Variants in FRMPD4 observed in about 807,000 individuals in gnomAD.
FRMPD4 encodes FERM and PDZ domain containing 4.
In FRMPD4, 22 loss-of-function variants were observed where a neutral mutation model predicts 94.1. The ratio of observed to expected loss-of-function variants is 0.23; its 90% CI spans 0.17 to 0.33. FRMPD4 has a LOEUF of 0.33. Among genes scored for constraint, FRMPD4 ranks in the 10% least tolerant of loss-of-function variants. The pLI is 1.00. For synonymous variants in FRMPD4, 631 were observed against 548.6 expected (o/e 1.15, Z -2.10); for missense variants, 1,111 against 1,339.9 (o/e 0.83, Z 2.67).
chrX:11,954,303 A>G (rs1045583624), intron 3 of FRMPD4, among the ~76,000 whole-genome samples: 2 of 112,472 alleles, frequency 1.8e-5, no homozygotes, highest in African/African-American at 6.5e-5. Flanking sequence ...TGGATGAACT[A>G]TTTAAAGCTG....
chrX:12,661,673 A>G (rs1462153860), intron 4 of FRMPD4, among the ~76,000 whole-genome samples: 1 of 112,187 alleles, frequency 8.9e-6, no homozygotes, highest in Non-Finnish European at 1.9e-5. Flanking sequence ...TCCATGACAG[A>G]TTACACTTAA....
chrX:12,073,073 T>G (rs996710901), intron 3 of FRMPD4, among the ~76,000 whole-genome samples: 2 of 111,749 alleles, frequency 1.8e-5, no homozygotes, highest in African/African-American at 6.5e-5. Context: ...TCTAAGTTGA[T>G]ACATGTAGGT....
At chrX:12,337,181 G>A (rs2055540835) in intron 1 of FRMPD4, among the ~76,000 whole-genome samples, 1 of 111,953 alleles carries the variant, frequency 8.9e-6, no homozygotes, top group African/African-American at 3.2e-5. Flanking sequence ...TACACTCCTG[G>A]CCTCATGATT....
chrX:12,555,175 G>C (rs1220217341), intron 2 of FRMPD4, among the ~76,000 whole-genome samples: 1 of 110,906 alleles, frequency 9.0e-6, no homozygotes, highest in Non-Finnish European at 1.9e-5. Flanking sequence ...CAAAAAAAAA[G>C]AGTTCTAAAA....
chrX:11,884,787 A>G (rs980646553), intron 3 of FRMPD4, among the ~76,000 whole-genome samples: 3 of 111,890 alleles, frequency 2.7e-5, no homozygotes, highest in African/African-American at 9.7e-5. Context: ...AATTTTTAAA[A>G]TACTGGCGTG....
intron 1 of FRMPD4, among the ~76,000 whole-genome samples, chrX:12,391,017 CT>C (rs1222209795): frequency 1.8e-5 from 2 of 112,054 alleles, no homozygotes; most frequent in Non-Finnish European, 3.8e-5. Flanking sequence ...CATAGAAGGC[CT>C]TTAAAAGATG....
intron 1 of FRMPD4, among the ~76,000 whole-genome samples, chrX:12,229,890 T>C (rs1003356907): frequency 1.2e-4 from 13 of 112,348 alleles, no homozygotes; most frequent in Admixed American, 7.5e-4. Context: ...GCACGTCTCC[T>C]GAAGGTTACC....
In FRMPD4 at chrX:12,691,251, T is replaced by G. The variant is rs181518189; in HGVS notation, c.813+925T>G. 2.7e-5 allele frequency among the ~76,000 whole-genome samples: 3 copies of G among 111,096 alleles called. No individual in the cohort carries two copies. The East Asian group carries it at 8.5e-4, about 32-fold the overall frequency. ...GGCTTATTATTTCCATCAAGTTTTT[T>G]GGGGTTTTTTTTGTTGTTGTTGTTT... On this transcript the variant is annotated intron_variant, in intron 8 of 16. Transcript: ENST00000675598.
chrX:12,496,530 C>G (rs942721166), intron 1 of FRMPD4, among the ~76,000 whole-genome samples: 1 of 112,392 alleles, frequency 8.9e-6, no homozygotes, highest in Non-Finnish European at 1.9e-5. Flanking sequence ...TGGCCGTTGT[C>G]AGGGCTGGAC....
At chrX:12,481,321 T>A (rs1251444734) in intron 1 of FRMPD4, among the ~76,000 whole-genome samples, 1 of 111,464 alleles carries the variant, frequency 9.0e-6, no homozygotes, top group African/African-American at 3.3e-5. Context: ...TAGTAAAGAG[T>A]TTCCACATTT....
At chrX:12,099,220 T>TA (rs891381138) in intron 3 of FRMPD4, among the ~76,000 whole-genome samples, 7 of 110,541 alleles carry the variant, frequency 6.3e-5, no homozygotes, top group Non-Finnish European at 9.5e-5. Flanking sequence ...TAAAGTATAA[T>TA]AAAAAAATAT....
chrX:12,042,649 T>C (rs926508594), intron 3 of FRMPD4, among the ~76,000 whole-genome samples: 1 of 111,326 alleles, frequency 9.0e-6, no homozygotes, highest in Non-Finnish European at 1.9e-5. Context: ...GCTTTTACTC[T>C]CCACTGGGCC....
chrX:12,361,361 A>C (rs2055986399), intron 1 of FRMPD4, among the ~76,000 whole-genome samples: 1 of 112,469 alleles, frequency 8.9e-6, no homozygotes. Flanking sequence ...TAAAATTGTC[A>C]AGGGGAATAA....
chrX:12,330,292 T>G (rs769454284), intron 1 of FRMPD4, among the ~76,000 whole-genome samples: 1 of 111,231 alleles, frequency 9.0e-6, no homozygotes, highest in East Asian at 2.8e-4. Flanking sequence ...AATGTCATGA[T>G]CATCTTTAAT....
At chrX:12,083,549 T>G (rs2055079479) in intron 3 of FRMPD4, among the ~76,000 whole-genome samples, 1 of 112,309 alleles carries the variant, frequency 8.9e-6, no homozygotes, top group African/African-American at 3.2e-5. Flanking sequence ...AGTGGAGCTA[T>G]GAGAAGAAGG....
chrX:12,394,897 G>A (rs73434850), intron 1 of FRMPD4, among the ~76,000 whole-genome samples: 1,826 of 111,317 alleles, frequency 0.016, 32 homozygotes, highest in African/African-American at 0.053. Flanking sequence ...TGTTGCTCAC[G>A]GGACTTGCAT....
At chrX:12,285,662 AG>A (rs1166167735) in intron 1 of FRMPD4, among the ~76,000 whole-genome samples, 1 of 111,907 alleles carries the variant, frequency 8.9e-6, no homozygotes, top group Non-Finnish European at 1.9e-5. Context: ...CTTTTAAGCA[AG>A]GAATCCTCTA....
intron 1 of FRMPD4, among the ~76,000 whole-genome samples, chrX:11,852,507 C>A (rs955844383): frequency 3.7e-4 from 40 of 107,750 alleles, no homozygotes; most frequent in African/African-American, 1.2e-3. Flanking sequence ...TCAGCCTTTG[C>A]AAATTTATTG....
chrX:12,478,218 A>G (rs1569292863), intron 1 of FRMPD4, among the ~76,000 whole-genome samples: 1 of 111,715 alleles, frequency 9.0e-6, no homozygotes, highest in Non-Finnish European at 1.9e-5. Context: ...GTAGGCCAGG[A>G]TGTTGGTTTC....
Sources: gnomAD v4.1 joint callset for allele counts (sites outside exome capture counted in the v4.1 genomes callset) on GRCh38, gnomAD v4.1.1 for gene constraint, MANE v1.5 for transcripts, NCBI Gene and HGNC (gene_info 2026-07-23, HGNC 2026-07-21) for gene names.